Variants in EXPH5 observed in about 807,000 individuals in gnomAD.
The protein encoded by EXPH5 is exophilin-5.
EXPH5 carries 42 observed loss-of-function variants against 41.1 expected under a neutral mutation model. The observed-to-expected ratio is 1.02, with a 90% confidence interval of 0.80 to 1.32. EXPH5 has a LOEUF of 1.32. Among genes scored for constraint, EXPH5 ranks in the 40% most tolerant of loss-of-function variants. The probability of loss-of-function intolerance (pLI) is 0.00; values close to 1 mark genes in which losing one functional copy is unlikely to be tolerated. For synonymous variants in EXPH5, 798 were observed against 833.5 expected, an observed-to-expected ratio of 0.96 and a Z score of 0.73; for missense variants, 2,298 against 2,314.5, an observed-to-expected ratio of 0.99 and a Z score of 0.15.
intron 3 of EXPH5, among the ~76,000 whole-genome samples, chr11:108,532,039 T>G (rs757607349): frequency 1.1e-4 from 16 of 152,098 alleles, no homozygotes; most frequent in Non-Finnish European, 2.1e-4. Flanking sequence ...CAATATAAAC[T>G]GAATCACGCC....
At position 108,539,070 on chromosome 11, in the gene EXPH5, T is replaced by G. The variant is rs1328706843; in HGVS notation, c.397A>C (p.Lys133Gln). The G allele has an allele frequency of 6.2e-7, 1 of 1,608,224 alleles. No homozygotes were observed. Among genetic ancestry groups the G allele is most frequent in the South Asian group, 1.1e-5 (1 of 89,566 alleles). Residue 133 changes from lysine (K) to glutamine (Q), a missense_variant, in exon 3 of 6, where the codon AAA becomes CAA. Lys to Gln is a moderately conservative substitution (Grantham distance 53, BLOSUM62 1). Coordinates refer to ENST00000265843, the MANE Select transcript of EXPH5 (RefSeq NM_015065.3). ...SSFASLFSFR[K>Q]SGKETSKLPS... ...AGCTTTGAAGTCTCCTTTCCAGATT[T>G]CCTGAATGAGAACAGGGAAGCAAAT...
chr11:108,533,900 T>C (rs1395919286), intron 3 of EXPH5, among the ~76,000 whole-genome samples: 1 of 152,156 alleles, frequency 6.6e-6, no homozygotes, highest in Non-Finnish European at 1.5e-5. Context: ...GCTTAAGCAA[T>C]CCTCCTGCCT....
the EXPH5 span, among the ~76,000 whole-genome samples, chr11:108,606,445 C>T: frequency 6.6e-6 from 1 of 152,320 alleles, no homozygotes; most frequent in South Asian, 2.1e-4. Flanking sequence ...GCCCTCTGTA[C>T]CTGCTCCAAC....
intron 1 of EXPH5, among the ~76,000 whole-genome samples, chr11:108,574,345 T>C (rs1335213630): frequency 6.7e-6 from 1 of 149,584 alleles, no homozygotes; most frequent in East Asian, 2.0e-4. Context: ...ACCACTGCAC[T>C]GCAGCCTGGG....
At chr11:108,528,659 A>G (rs2093815562) in intron 3 of EXPH5, among the ~76,000 whole-genome samples, 1 of 144,094 alleles carries the variant, frequency 6.9e-6, no homozygotes, top group Admixed American at 6.9e-5. Context: ...GTCTGTCTGG[A>G]TCTAGAGCCC....
chr11:108,579,942 G>A (rs1008470630), intron 1 of EXPH5, among the ~76,000 whole-genome samples: 1 of 152,076 alleles, frequency 6.6e-6, no homozygotes, highest in Non-Finnish European at 1.5e-5. Context: ...CTTCGAATTA[G>A]AGGAGCTAGG....
chr11:108,577,295 T>G (rs1456784734), intron 1 of EXPH5, among the ~76,000 whole-genome samples: 2 of 152,238 alleles, frequency 1.3e-5, no homozygotes, highest in East Asian at 3.8e-4. Flanking sequence ...TAGTTCTATT[T>G]GTAGTTTTTT....
chr11:108,510,211 C>T lies in EXPH5; in HGVS notation c.5296G>A (p.Val1766Ile). ...FPLEPAQKSRVSSPLASFLQQ... is the reference protein window; with the variant it reads ...FPLEPAQKSRISSPLASFLQQ... ...AGAAAACTGGCCAGTGGACTGCTTACTCTAGATTTCTGTGCAGGCTCCAGT... is the reference window on the plus strand; with the variant it reads ...AGAAAACTGGCCAGTGGACTGCTTATTCTAGATTTCTGTGCAGGCTCCAGT... Residue 1766 changes from valine (V) to isoleucine (I), a missense_variant, in exon 6 of 6, where the codon GTA (valine) becomes ATA (isoleucine). Physicochemically the swap from Val to Ile is conservative, Grantham distance 29. Transcript: ENST00000265843. 3 of 1,613,868 alleles carry T rather than the reference C, an allele frequency of 1.9e-6. No homozygotes were observed. The highest frequency in any genetic ancestry group is 2.5e-6 in the Non-Finnish European group (3 of 1,179,926).
At position 108,513,841 on chromosome 11, in the gene EXPH5, GAAAATCA is replaced by G. The variant is rs2093701876; in HGVS notation, c.1659_1665del (p.Asp554ArgfsTer18). 6.2e-6 allele frequency: 10 copies of G among 1,608,748 alleles called. No homozygotes were observed. In the South Asian group the frequency reaches 1.1e-4, roughly 18 times the overall value. ...ACCATGCTATCCAGTGTGGATCTCT[GAAAATCA>G]AACTGCCAAGGATGTGGCTCTTCTT... On this transcript the variant is annotated frameshift_variant, in exon 6 of 6. Coordinates refer to ENST00000265843, the MANE Select transcript of EXPH5 (RefSeq NM_015065.3). LOFTEE classifies it low-confidence loss of function (END_TRUNC).
At chr11:108,584,131 T>G (rs950957407) in intron 1 of EXPH5, among the ~76,000 whole-genome samples, 1 of 152,236 alleles carries the variant, frequency 6.6e-6, no homozygotes, top group Non-Finnish European at 1.5e-5. Flanking sequence ...GGATGGCTTA[T>G]TTAACTCAGT....
In EXPH5 at chr11:108,531,434, A is replaced by T. The variant is rs181419569; in HGVS notation, c.444-3250T>A. On this transcript the variant is annotated intron_variant, in intron 3 of 5. Transcript: ENST00000265843. ...GTCTCTACTAAAAATACAAAAAATT[A>T]AGAAAATTTTTAAAAATCAAAATCT... is the stretch of plus-strand genomic sequence containing the variant. 2.6e-5 allele frequency among the ~76,000 whole-genome samples: 4 copies of T among 152,284 alleles called. No homozygotes were observed. The East Asian group carries it at 7.7e-4, about 29-fold the overall frequency.
chr11:108,576,977 T>A (rs1439561931), intron 1 of EXPH5, among the ~76,000 whole-genome samples: 3 of 152,214 alleles, frequency 2.0e-5, no homozygotes, highest in Non-Finnish European at 4.4e-5. Flanking sequence ...AGTGAGAATA[T>A]GTGATATTTG....
chr11:108,579,992 G>A (rs1487931716), intron 1 of EXPH5, among the ~76,000 whole-genome samples: 1 of 152,076 alleles, frequency 6.6e-6, no homozygotes, highest in Non-Finnish European at 1.5e-5. Flanking sequence ...TTGGTCTGGG[G>A]AAATATTTTA....
intron 4 of EXPH5, among the ~76,000 whole-genome samples, chr11:108,522,980 C>G (rs1221269031): frequency 6.6e-6 from 1 of 151,884 alleles, no homozygotes; most frequent in Non-Finnish European, 1.5e-5. Context: ...ACTACTGGCT[C>G]AAGCAATCCT....
intron 1 of EXPH5, among the ~76,000 whole-genome samples, chr11:108,566,575 G>A (rs113668974): frequency 4.6e-5 from 7 of 152,092 alleles, no homozygotes; most frequent in African/African-American, 1.4e-4. Flanking sequence ...ATTCCAGGCC[G>A]AGCATGGTGG....
At chr11:108,573,176 GAAAGAAAGAAAGAAAGAAAGAAAA>G (rs1565830655) in intron 1 of EXPH5, among the ~76,000 whole-genome samples, 3 of 145,096 alleles carry the variant, frequency 2.1e-5, no homozygotes, top group African/African-American at 8.0e-5. Context: ...AAGAAAGAAA[GAAAGAAAGAAAGAAAGAAAGAAAA>G]AGAAAGAAAG....
At chr11:108,538,082 A>G (rs752445153) in intron 3 of EXPH5, 168 of 985,254 alleles carry the variant, frequency 1.7e-4, no homozygotes, top group Non-Finnish European at 2.0e-4. Flanking sequence ...TGGAAGTGAA[A>G]AACCCTCCAT....
At position 108,511,068 on chromosome 11, in the gene EXPH5, T is replaced by G; in HGVS notation, c.4439A>C (p.Gln1480Pro). 1 of 1,614,176 alleles carries G rather than the reference T, an allele frequency of 6.2e-7. No individual in the cohort carries two copies. Among genetic ancestry groups the G allele is most frequent in the Non-Finnish European group, 8.5e-7 (1 of 1,179,990 alleles). Reference sequence around the variant, plus strand: ...AATGTCCCCTCTGCCTTCCCTAGGCTGTGATCCACTGGAGCCATCACCTAC... The same window carrying G: ...AATGTCCCCTCTGCCTTCCCTAGGCGGTGATCCACTGGAGCCATCACCTAC... Reference protein sequence around the residue: ...TAVGDGSSGSQPREGRGDIGT... With the variant: ...TAVGDGSSGSPPREGRGDIGT... Residue 1480 changes from glutamine (Q) to proline (P), a missense_variant, in exon 6 of 6, where the codon CAG (glutamine) becomes CCG (proline). Coordinates refer to ENST00000265843, the MANE Select transcript of EXPH5 (RefSeq NM_015065.3).
Position 108,531,596 on chromosome 11 carries a change from T to C in EXPH5, c.444-3412A>G, listed in dbSNP as rs147424413. On this transcript the variant is annotated intron_variant, in intron 3 of 5. Coordinates refer to ENST00000265843, the MANE Select transcript of EXPH5 (RefSeq NM_015065.3). The stretch of plus-strand genomic sequence containing the variant: ...AAATTAATTCCACCTCCATTAAATA[T>C]TCTCTCATTTCCATACCTTTATAGA... Among the ~76,000 whole-genome samples the C allele has an allele frequency of 8.3e-4, 127 of 152,342 alleles. 1 individual carries two copies. Among genetic ancestry groups the C allele is most frequent in the African/African-American group, 2.8e-3 (118 of 41,580 alleles).
Sources: gnomAD v4.1 joint callset for allele counts (sites outside exome capture counted in the v4.1 genomes callset) on GRCh38, gnomAD v4.1.1 for gene constraint, MANE v1.5 for transcripts, NCBI Gene and HGNC (gene_info 2026-07-23, HGNC 2026-07-21) for gene names.